CD99: variants seen among roughly 807,000 people sequenced by gnomAD.
CD99 encodes the protein CD99 molecule (Xg blood group).
CD99 carries 19 observed loss-of-function variants against 28.4 expected under a neutral mutation model. That is an observed-to-expected ratio of 0.67 (90% confidence interval 0.47 to 0.98). The LOEUF is 0.98. CD99 is among the 50% of genes least tolerant of loss of function. The pLI, the probability that CD99 is intolerant of heterozygous loss-of-function variation, is 0.00. For missense variants in CD99, 283 were observed against 248.8 expected (o/e 1.14, Z -0.92); for synonymous variants, 103 against 92.1 (o/e 1.12, Z -0.67).
chrX:2,703,744 T>G (rs971075078), intron 1 of CD99, among the ~76,000 whole-genome samples: 1 of 151,764 alleles, frequency 6.6e-6, no homozygotes. Flanking sequence ...AGTCCAAAAC[T>G]GCAGGGCAGA....
intron 8 of CD99, among the ~76,000 whole-genome samples, chrX:2,737,142 A>C (rs1359673906): frequency 1.3e-5 from 2 of 152,058 alleles, no homozygotes; most frequent in Non-Finnish European, 2.9e-5. Context: ...TACTGAAAAG[A>C]TGCTAATCTG....
rs138707703 is a variant in CD99, at chrX:2,726,273, C to A, written c.375C>A (p.Gly125=). 3 of 1,608,570 alleles carry A rather than the reference C, an allele frequency of 1.9e-6. No individual in the cohort carries two copies. The highest frequency in any genetic ancestry group is 4.5e-5 in the East Asian group (2 of 44,868). The part of the protein sequence containing the change: ...RKEGEEADAP[G]VIPGIVGAVV... ...TTCCTCCTGCAGCCGACGCCCCAGG[C>A]GTGATCCCCGGGATTGTGGGGGCTG... The change falls in exon 8 of 10, where the codon GGC becomes GGA. Residue 125 remains glycine, a synonymous_variant. Transcript: ENST00000381192.
intron 8 of CD99, among the ~76,000 whole-genome samples, chrX:2,727,059 C>T (rs749055570): frequency 1.1e-4 from 16 of 152,296 alleles, no homozygotes; most frequent in African/African-American, 3.8e-4. Context: ...ATGGTGTGAA[C>T]CTGGGAGGCA....
rs776079341 is a variant in CD99, at chrX:2,740,916, C to A, written c.*112C>A. 4.6e-5 allele frequency: 53 copies of A among 1,142,224 alleles called. 1 individual carries two copies. The highest frequency in any genetic ancestry group is 6.8e-5 in the Non-Finnish European group (51 of 753,548). The allele number at this position is 1,142,224 out of a possible 1,614,324, so 70.8% of individuals were successfully genotyped here. ...AGCAGAGATGGAGGCCTTCTGTTCACGGCGGATTCTTTGTTTTAATCTTGC... is the reference window on the plus strand; with the variant it reads ...AGCAGAGATGGAGGCCTTCTGTTCAAGGCGGATTCTTTGTTTTAATCTTGC... On this transcript the variant is annotated 3_prime_UTR_variant, in exon 10 of 10. Transcript: ENST00000381192.
intron 1 of CD99, among the ~76,000 whole-genome samples, chrX:2,713,067 A>T (rs2048502729): frequency 6.6e-6 from 1 of 151,450 alleles, no homozygotes; most frequent in African/African-American, 2.4e-5. Flanking sequence ...TACACACATA[A>T]ACATATTGAC....
intron 3 of CD99, chrX:2,718,031 TC>T (rs2124044038): frequency 5.1e-6 from 1 of 195,144 alleles, no homozygotes; most frequent in South Asian, 1.2e-4. Flanking sequence ...AACCTCCACC[TC>T]CCGGGTTCAG....
intron 1 of CD99, among the ~76,000 whole-genome samples, chrX:2,706,390 G>A (rs960388382): frequency 8.5e-5 from 13 of 152,104 alleles, no homozygotes; most frequent in South Asian, 2.1e-4. Flanking sequence ...AACAAAAAAC[G>A]CTTTGCCTTT....
At chrX:2,718,473 A>G (rs2048845444) in intron 3 of CD99, among the ~76,000 whole-genome samples, 1 of 149,672 alleles carries the variant, frequency 6.7e-6, no homozygotes, top group Non-Finnish European at 1.5e-5. Context: ...GGTTCACACC[A>G]TTCTTCTGCC....
intron 8 of CD99, among the ~76,000 whole-genome samples, chrX:2,727,851 G>C (rs2049375522): frequency 6.6e-6 from 1 of 152,146 alleles, no homozygotes; most frequent in South Asian, 2.1e-4. Context: ...ACCCTACTTA[G>C]ATCTTAAGTC....
Position 2,722,653 on chromosome X carries a change from G to C in CD99, c.289G>C (p.Asp97His), listed in dbSNP as rs1401727020. The C allele has an allele frequency of 4.3e-6, 7 of 1,613,858 alleles. No individual in the cohort carries two copies. Among genetic ancestry groups the C allele is most frequent in the African/African-American group, 1.3e-5 (1 of 74,906 alleles). ...TAGCTTTTCAGATGCTGACCTTGCG[G>C]ATGGCGTTTCAGGTGGAGAAGGTAC... ...SGSFSDADLADGVSGGEGKGG... is the reference protein window; with the variant it reads ...SGSFSDADLAHGVSGGEGKGG... Residue 97 changes from aspartate to histidine, a missense_variant, in exon 6 of 10, where the codon GAT (aspartate) becomes CAT (histidine). By Grantham distance (81) the Asp-to-His change is moderately conservative (BLOSUM62 -1). Coordinates refer to ENST00000381192, the MANE Select transcript of CD99 (RefSeq NM_002414.5).
At chrX:2,698,218 G>A (rs1277931658) in intron 1 of CD99, among the ~76,000 whole-genome samples, 4 of 149,326 alleles carry the variant, frequency 2.7e-5, no homozygotes, top group East Asian at 2.0e-4. Context: ...TGCCCAGGCC[G>A]GAGTGCAGTG....
chrX:2,730,154 T>C (rs751916294), intron 8 of CD99, among the ~76,000 whole-genome samples: 1 of 147,384 alleles, frequency 6.8e-6, no homozygotes, highest in East Asian at 2.0e-4. Flanking sequence ...ACCCTGTCTC[T>C]AGATATAAAA....
chrX:2,728,713 T>C (rs2049427793), intron 8 of CD99, among the ~76,000 whole-genome samples: 1 of 152,090 alleles, frequency 6.6e-6, no homozygotes, highest in Non-Finnish European at 1.5e-5. Context: ...TTCAATGACA[T>C]TTCTTTTTCT....
At chrX:2,732,151 T>G (rs777112051) in intron 8 of CD99, among the ~76,000 whole-genome samples, 193 of 152,130 alleles carry the variant, frequency 1.3e-3, no homozygotes, top group African/African-American at 4.4e-3. Flanking sequence ...CTTCTCCTGG[T>G]TTTTGTCCAT....
At chrX:2,739,920 TAAAAAAAA>T (rs760923352) in intron 9 of CD99, among the ~76,000 whole-genome samples, 4 of 110,138 alleles carry the variant, frequency 3.6e-5, no homozygotes, top group Non-Finnish European at 5.7e-5. Flanking sequence ...TACTAAAAAT[TAAAAAAAA>T]AAAAAAAAAA....
intron 1 of CD99, among the ~76,000 whole-genome samples, chrX:2,701,338 G>C (rs2047853413): frequency 6.6e-6 from 1 of 152,186 alleles, no homozygotes. Flanking sequence ...ATAGGTTGAA[G>C]TTAAATGTAC....
intron 1 of CD99, among the ~76,000 whole-genome samples, chrX:2,707,657 C>T (rs137861565): frequency 4.3e-4 from 65 of 152,268 alleles, no homozygotes; most frequent in Non-Finnish European, 7.6e-4. Context: ...TTGAGAGGGC[C>T]GGGTGGAAAC....
chrX:2,735,772 G>A (rs1469019565), intron 8 of CD99, among the ~76,000 whole-genome samples: 2 of 152,114 alleles, frequency 1.3e-5, no homozygotes, highest in Non-Finnish European at 2.9e-5. Context: ...TCTCTTCAGG[G>A]GGTTTTCCTC....
At chrX:2,691,696 G>A in intron 1 of CD99, 3 of 703,810 alleles carry the variant, frequency 4.3e-6, no homozygotes, top group South Asian at 1.5e-5. Context: ...CTTGGGAGAG[G>A]TGCGTCCGAT....
Sources: gnomAD v4.1 joint callset for allele counts (sites outside exome capture counted in the v4.1 genomes callset) on GRCh38, gnomAD v4.1.1 for gene constraint, MANE v1.5 for transcripts, NCBI Gene and HGNC (gene_info 2026-07-23, HGNC 2026-07-21) for gene names.